CPA6: variants seen among roughly 807,000 people sequenced by gnomAD.
CPA6 encodes the protein carboxypeptidase A6.
CPA6 carries 58 observed loss-of-function variants against 63.3 expected under a neutral mutation model. That is an observed-to-expected ratio of 0.92 (90% CI 0.74 to 1.14). CPA6 has a LOEUF of 1.14. Among genes scored for constraint, CPA6 ranks in the 50% most tolerant of loss-of-function variants. The pLI, the probability that CPA6 is intolerant of heterozygous loss-of-function variation, is 0.00. For synonymous variants in CPA6, 185 were observed against 179.0 expected, an observed-to-expected ratio of 1.03 and a Z score of -0.27; for missense variants, 565 against 526.6, an observed-to-expected ratio of 1.07 and a Z score of -0.71.
intron 1 of CPA6, among the ~76,000 whole-genome samples, chr8:67,649,681 G>A (rs530482911): frequency 2.6e-5 from 4 of 152,216 alleles, no homozygotes; most frequent in South Asian, 2.1e-4. Context: ...TCAGTAGTTC[G>A]TACCAAATTG....
intron 8 of CPA6, among the ~76,000 whole-genome samples, chr8:67,479,557 G>A (rs1811313889): frequency 6.6e-6 from 1 of 152,176 alleles, no homozygotes; most frequent in South Asian, 2.1e-4. Flanking sequence ...CCTACACTTA[G>A]TGAAGTAGAT....
At chr8:67,745,279 C>G (rs1587746685) in intron 1 of CPA6, among the ~76,000 whole-genome samples, 1 of 152,284 alleles carries the variant, frequency 6.6e-6, no homozygotes, top group African/African-American at 2.4e-5. Flanking sequence ...AAGAACGACC[C>G]CCTGCATATG....
chr8:67,638,623 G>A (rs1815522378), intron 1 of CPA6, among the ~76,000 whole-genome samples: 2 of 151,480 alleles, frequency 1.3e-5, no homozygotes, highest in South Asian at 4.1e-4. Flanking sequence ...TGGCTGAAGG[G>A]AAGTGCTTCA....
intron 6 of CPA6, among the ~76,000 whole-genome samples, chr8:67,490,998 T>C (rs192906774): frequency 3.3e-5 from 5 of 151,938 alleles, no homozygotes; most frequent in African/African-American, 1.2e-4. Flanking sequence ...TAACCACACA[T>C]CCAATGCAGG....
intron 1 of CPA6, among the ~76,000 whole-genome samples, chr8:67,644,006 A>G (rs1563374570): frequency 6.6e-6 from 1 of 152,212 alleles, no homozygotes; most frequent in Admixed American, 6.5e-5. Flanking sequence ...TGGTTGAGCA[A>G]TGGAGAAAAA....
intron 1 of CPA6, among the ~76,000 whole-genome samples, chr8:67,661,232 G>A (rs574029361): frequency 1.6e-4 from 24 of 152,306 alleles, no homozygotes; most frequent in African/African-American, 5.8e-4. Context: ...GACCTCTGGG[G>A]GAGGAATGTT....
chr8:67,443,727 T>C (rs1810347841), intron 8 of CPA6, among the ~76,000 whole-genome samples: 1 of 152,200 alleles, frequency 6.6e-6, no homozygotes, highest in South Asian at 2.1e-4. Context: ...TAGACTGATC[T>C]TGTAAAAGTT....
intron 8 of CPA6, among the ~76,000 whole-genome samples, chr8:67,452,980 A>G (rs1055279695): frequency 2.6e-5 from 4 of 152,194 alleles, no homozygotes; most frequent in Non-Finnish European, 4.4e-5. Flanking sequence ...GATTATGTGA[A>G]GTTTATAGGC....
At chr8:67,578,886 A>C (rs1468086052) in intron 2 of CPA6, among the ~76,000 whole-genome samples, 1 of 152,206 alleles carries the variant, frequency 6.6e-6, no homozygotes, top group East Asian at 1.9e-4. Flanking sequence ...TGATTAATTT[A>C]AGTAACACAG....
At chr8:67,641,588 A>G (rs1815592981) in intron 1 of CPA6, among the ~76,000 whole-genome samples, 1 of 152,252 alleles carries the variant, frequency 6.6e-6, no homozygotes, top group Admixed American at 6.5e-5. Flanking sequence ...GCAAAGTGTC[A>G]TGTAAGCTGG....
chr8:67,433,243 C>T (rs536166388), intron 9 of CPA6, among the ~76,000 whole-genome samples: 1 of 152,342 alleles, frequency 6.6e-6, no homozygotes, highest in Admixed American at 6.5e-5. Flanking sequence ...CTCCCAATCA[C>T]TGCACCCCCT....
chr8:67,472,895 A>G (rs1811094442), intron 8 of CPA6, among the ~76,000 whole-genome samples: 1 of 152,244 alleles, frequency 6.6e-6, no homozygotes, highest in Non-Finnish European at 1.5e-5. Flanking sequence ...AAACAACAAT[A>G]TAGTGTTTTG....
intron 6 of CPA6, among the ~76,000 whole-genome samples, chr8:67,501,514 A>G (rs762004050): frequency 3.3e-5 from 5 of 152,174 alleles, no homozygotes; most frequent in Non-Finnish European, 7.4e-5. Flanking sequence ...TGATAAAATT[A>G]TATAATTTTT....
chr8:67,581,131 A>G (rs1188298293), intron 2 of CPA6, among the ~76,000 whole-genome samples: 1 of 152,186 alleles, frequency 6.6e-6, no homozygotes, highest in Non-Finnish European at 1.5e-5. Flanking sequence ...TGTACTATGT[A>G]ATATTAAGTA....
chr8:67,432,178 TA>T (rs1230001620), intron 9 of CPA6, among the ~76,000 whole-genome samples: 1 of 152,150 alleles, frequency 6.6e-6, no homozygotes, highest in Non-Finnish European at 1.5e-5. Context: ...ACTTTGTGAT[TA>T]GAGAGTTGGA....
chr8:67,509,558 T>C lies in CPA6; in HGVS notation c.493A>G (p.Ile165Val). The C allele has an allele frequency of 6.3e-7, 1 of 1,597,418 alleles. No individual in the cohort carries two copies. Among genetic ancestry groups the C allele is most frequent in the African/African-American group, 1.3e-5 (1 of 74,508 alleles). The change falls in exon 5 of 11, where the codon ATT becomes GTT. Residue 165 changes from isoleucine (I) to valine (V), a missense_variant. By Grantham distance (29) the Ile-to-Val change is conservative (BLOSUM62 3). Coordinates refer to ENST00000297770, the MANE Select transcript of CPA6 (RefSeq NM_020361.5). ...GATCTTCCCTCATATGATCTTCCAA[T>C]AGAGAACATGTGAATGAGGCCTGAG... ...THSGLIHMFS[I>V]GRSYEGRSLF...
chr8:67,607,140 TCCTCCC>T (rs1354357311), intron 2 of CPA6, among the ~76,000 whole-genome samples: 992 of 58,534 alleles, frequency 0.017, 225 homozygotes, highest in African/African-American at 0.1. Flanking sequence ...CTCCTCCCCC[TCCTCCC>T]CCCCCTCCTC....
chr8:67,461,488 G>A (rs2128957201), intron 8 of CPA6, among the ~76,000 whole-genome samples: 1 of 151,890 alleles, frequency 6.6e-6, no homozygotes, highest in South Asian at 2.1e-4. Flanking sequence ...GCAACCATCC[G>A]ATTTCTCAAT....
Position 67,434,185 on chromosome 8 carries a change from T to C in CPA6, c.894A>G (p.Glu298=). ...CDDTYCGPFP[E]SEPEVKAVAN... is the part of the protein sequence containing the mutation. ...CTACAGCCTTCACTTCCGGCTCAGA[T>C]TCTGGAAAAGGGCCACAGTATGTGT... The change falls in exon 9 of 11, where the codon GAA becomes GAG. Residue 298 remains glutamate, a synonymous_variant. Transcript: ENST00000297770. 3 of 1,614,164 alleles carry C rather than the reference T, an allele frequency of 1.9e-6. No individual in the cohort carries two copies. The highest frequency in any genetic ancestry group is 8.5e-7 in the Non-Finnish European group (1 of 1,180,032).
Sources: allele counts gnomAD v4.1 joint callset (sites outside exome capture counted in the v4.1 genomes callset), GRCh38; gene constraint gnomAD v4.1.1; transcripts MANE v1.5; gene names NCBI Gene and HGNC (gene_info 2026-07-23, HGNC 2026-07-21).